CDC42SE2: variants seen among roughly 807,000 people sequenced by gnomAD.
CDC42SE2 encodes CDC42 small effector protein 2.
In CDC42SE2, 3 loss-of-function variants were observed where a neutral mutation model predicts 11.5. The ratio of observed to expected loss-of-function variants is 0.26; its 90% confidence interval spans 0.12 to 0.67. The LOEUF (loss-of-function observed/expected upper bound fraction) is 0.67, where lower values mean the gene tolerates loss of function less well. Ranked by LOEUF, CDC42SE2 falls within the 30% of genes least tolerant of loss-of-function variation. CDC42SE2 has a pLI of 0.80. For missense variants in CDC42SE2, 82 were observed against 106.8 expected (o/e 0.77, Z 1.02); for synonymous variants, 33 against 34.8 (o/e 0.95, Z 0.18).
chr5:131,317,746 G>A (rs1320145280), intron 2 of CDC42SE2, among the ~76,000 whole-genome samples: 2 of 151,776 alleles, frequency 1.3e-5, no homozygotes, highest in Non-Finnish European at 2.9e-5. Flanking sequence ...AAAATCTGTG[G>A]TGTTACTTTC....
upstream of CDC42SE2, among the ~76,000 whole-genome samples, chr5:131,242,963 T>G (rs1041796029): frequency 2.0e-5 from 3 of 152,208 alleles, no homozygotes; most frequent in Admixed American, 2.0e-4. Context: ...AGCCTAGTTC[T>G]TACAATCATG....
At chr5:131,262,155 G>A (rs766555244), upstream of CDC42SE2, among the ~76,000 whole-genome samples, 2 of 143,542 alleles carry the variant, frequency 1.4e-5, no homozygotes, top group African/African-American at 3.0e-5. Context: ...TATCAAGTTC[G>A]GGAATTTTCT....
chr5:131,273,234 C>A (rs1174385720), intron 1 of CDC42SE2, among the ~76,000 whole-genome samples: 9 of 147,992 alleles, frequency 6.1e-5, no homozygotes, highest in African/African-American at 2.2e-4. Flanking sequence ...TGGCTCACTG[C>A]AACCTCCGCC....
intron 1 of CDC42SE2, among the ~76,000 whole-genome samples, chr5:131,265,283 G>T (rs1756835933): frequency 6.6e-6 from 1 of 152,124 alleles, no homozygotes; most frequent in Non-Finnish European, 1.5e-5. Context: ...CTTAAAAACA[G>T]GCCTTATTTC....
chr5:131,311,878 C>G (rs977608700), intron 1 of CDC42SE2, among the ~76,000 whole-genome samples: 3 of 152,054 alleles, frequency 2.0e-5, no homozygotes, highest in African/African-American at 7.2e-5. Flanking sequence ...ACTTCTTTGC[C>G]TTTGGTTTGA....
chr5:131,268,054 C>CTTTTTTTTTTTTT (rs148354795), intron 1 of CDC42SE2, among the ~76,000 whole-genome samples: 1 of 65,474 alleles, frequency 1.5e-5, no homozygotes, highest in Non-Finnish European at 2.8e-5. Context: ...CATGCTTATT[C>CTTTTTTTTTTTTT]TTTTTTTTTT....
chr5:131,248,060 A>G (rs1756610491), intron 1 of CDC42SE2, among the ~76,000 whole-genome samples: 1 of 152,154 alleles, frequency 6.6e-6, no homozygotes. Flanking sequence ...CCTTAACTTG[A>G]TTAAGAGTAT....
At chr5:131,259,991 C>CA (rs1756710028), upstream of CDC42SE2, among the ~76,000 whole-genome samples, 2 of 152,210 alleles carry the variant, frequency 1.3e-5, no homozygotes, top group Non-Finnish European at 2.9e-5. Context: ...TTTTATGAGC[C>CA]ATTTTCTCAG....
chr5:131,334,960 G>A (rs972424327), intron 2 of CDC42SE2, among the ~76,000 whole-genome samples: 6 of 151,932 alleles, frequency 3.9e-5, no homozygotes, highest in African/African-American at 4.8e-5. Context: ...TTGTGTCTTT[G>A]TTTCCTTCAG....
chr5:131,332,237 G>A (rs563269832), intron 2 of CDC42SE2, among the ~76,000 whole-genome samples: 2 of 152,024 alleles, frequency 1.3e-5, no homozygotes, highest in Non-Finnish European at 2.9e-5. Context: ...TTGTCCTTGC[G>A]ATAGTTTGCT....
At chr5:131,322,037 A>G (rs1758202218) in intron 2 of CDC42SE2, among the ~76,000 whole-genome samples, 1 of 152,008 alleles carries the variant, frequency 6.6e-6, no homozygotes. Context: ...TTTTTAGTAG[A>G]GACGGGGTTT....
intron 3 of CDC42SE2, among the ~76,000 whole-genome samples, chr5:131,360,189 C>T (rs1197510040): frequency 2.6e-5 from 4 of 152,090 alleles, no homozygotes; most frequent in East Asian, 1.9e-4. Context: ...GGCGTGATCT[C>T]GGCTCACTGC....
At chr5:131,272,876 G>A (rs1757022685) in intron 1 of CDC42SE2, among the ~76,000 whole-genome samples, 1 of 152,042 alleles carries the variant, frequency 6.6e-6, no homozygotes. Context: ...AAATTCCCTA[G>A]TTCTCAAGCC....
intron 1 of CDC42SE2, among the ~76,000 whole-genome samples, chr5:131,307,676 C>T (rs1303711525): frequency 2.0e-5 from 3 of 152,078 alleles, no homozygotes; most frequent in Non-Finnish European, 2.9e-5. Flanking sequence ...AGTTTACAGT[C>T]CCACCAACAG....
chr5:131,264,774 T>A (rs1561564745), intron 1 of CDC42SE2, among the ~76,000 whole-genome samples: 1 of 152,348 alleles, frequency 6.6e-6, no homozygotes, highest in South Asian at 2.1e-4. Flanking sequence ...GTTGCGATTT[T>A]AGGCAACGGG....
chr5:131,252,872 A>G (rs1029066362), intron 1 of CDC42SE2, among the ~76,000 whole-genome samples: 5 of 152,192 alleles, frequency 3.3e-5, no homozygotes, highest in Non-Finnish European at 5.9e-5. Context: ...AATTCCTCTC[A>G]AGCATCTGCT....
chr5:131,297,641 A>G (rs1325645594), intron 1 of CDC42SE2, among the ~76,000 whole-genome samples: 2 of 152,062 alleles, frequency 1.3e-5, no homozygotes, highest in African/African-American at 2.4e-5. Context: ...AATGGCGTGA[A>G]CCCGGGAGGC....
intron 2 of CDC42SE2, among the ~76,000 whole-genome samples, chr5:131,329,771 T>A (rs1231196767): frequency 1.3e-5 from 2 of 149,632 alleles, no homozygotes; most frequent in African/African-American, 4.9e-5. Context: ...CCCAGCTACT[T>A]GGGAGGCTGA....
intron 3 of CDC42SE2, among the ~76,000 whole-genome samples, chr5:131,380,730 T>C (rs1750296339): frequency 6.6e-6 from 1 of 152,196 alleles, no homozygotes; most frequent in Admixed American, 6.5e-5. Context: ...TTGAGCATAA[T>C]GAATTCTCTG....
Sources: allele counts gnomAD v4.1 joint callset (sites outside exome capture counted in the v4.1 genomes callset), GRCh38; gene constraint gnomAD v4.1.1; transcripts MANE v1.5; gene names NCBI Gene and HGNC (gene_info 2026-07-23, HGNC 2026-07-21).